Variants in CNTN4 observed in about 807,000 individuals in gnomAD.
The protein encoded by CNTN4 is contactin-4.
CNTN4 carries 77 observed loss-of-function variants against 122.5 expected under a neutral mutation model. That is an observed-to-expected ratio of 0.63 (90% CI 0.52 to 0.76). The LOEUF (loss-of-function observed/expected upper bound fraction) is 0.76. CNTN4 is among the 30% of genes least tolerant of loss of function. The pLI is 0.00. For missense variants in CNTN4, 1,256 were observed against 1,259.1 expected, an observed-to-expected ratio of 1.00 and a Z score of 0.04; for synonymous variants, 512 against 447.0, an observed-to-expected ratio of 1.15 and a Z score of -1.83.
intron 12 of CNTN4, among the ~76,000 whole-genome samples, chr3:2,906,489 AT>A (rs1198593164): frequency 6.6e-6 from 1 of 151,904 alleles, no homozygotes; most frequent in Non-Finnish European, 1.5e-5. Context: ...AATAAAAAAA[AT>A]AAAAATTTTG....
At chr3:2,642,791 A>G (rs2082949895) in intron 4 of CNTN4, among the ~76,000 whole-genome samples, 1 of 152,082 alleles carries the variant, frequency 6.6e-6, no homozygotes, top group Non-Finnish European at 1.5e-5. Context: ...TGTTCCTGCT[A>G]TTCCTTCCTC....
chr3:2,429,306 G>A (rs1380317059), intron 3 of CNTN4, among the ~76,000 whole-genome samples: 2 of 152,176 alleles, frequency 1.3e-5, no homozygotes, highest in African/African-American at 4.8e-5. Context: ...AAACAGTCAG[G>A]ACCCTCAGCT....
chr3:2,205,861 A>G (rs62247008), intron 2 of CNTN4, among the ~76,000 whole-genome samples: 17,479 of 152,184 alleles, frequency 0.11, 1,334 homozygotes, highest in South Asian at 0.24. Context: ...AAAATGGTGT[A>G]TCCTATGAAA....
intron 7 of CNTN4, among the ~76,000 whole-genome samples, chr3:2,858,708 G>GA (rs36049980): frequency 0.21 from 28,506 of 135,980 alleles, 2,826 homozygotes; most frequent in Middle Eastern, 0.3. Flanking sequence ...CCCTGTCTCA[G>GA]AAAAAAAAAA....
chr3:2,646,254 A>G (rs965374274), intron 4 of CNTN4, among the ~76,000 whole-genome samples: 1 of 152,184 alleles, frequency 6.6e-6, no homozygotes, highest in Non-Finnish European at 1.5e-5. Flanking sequence ...ATATATAAAC[A>G]CTATCAATCA....
intron 4 of CNTN4, among the ~76,000 whole-genome samples, chr3:2,674,122 C>T (rs149790680): frequency 3.0e-4 from 46 of 152,256 alleles, no homozygotes; most frequent in African/African-American, 9.6e-4. Flanking sequence ...TTGTTTTAAC[C>T]GCTCAGTTTT....
chr3:2,226,640 G>A (rs1237612212), intron 2 of CNTN4, among the ~76,000 whole-genome samples: 1 of 152,030 alleles, frequency 6.6e-6, no homozygotes, highest in Non-Finnish European at 1.5e-5. Flanking sequence ...CTTCATCATA[G>A]GCAAATATTT....
At chr3:2,125,580 G>T (rs1206291644) in intron 2 of CNTN4, among the ~76,000 whole-genome samples, 21 of 133,390 alleles carry the variant, frequency 1.6e-4, no homozygotes, top group Non-Finnish European at 2.5e-4. Flanking sequence ...TTTTTTTTGA[G>T]ACGAGTCTCA....
chr3:2,968,481 C>A (rs1044572337), intron 13 of CNTN4, among the ~76,000 whole-genome samples: 6 of 152,200 alleles, frequency 3.9e-5, no homozygotes, highest in Non-Finnish European at 5.9e-5. Flanking sequence ...TCCAGAGTTC[C>A]TCTTGTTAAG....
At chr3:2,997,995 G>A (rs1476150487) in intron 14 of CNTN4, among the ~76,000 whole-genome samples, 2 of 152,122 alleles carry the variant, frequency 1.3e-5, no homozygotes, top group African/African-American at 4.8e-5. Context: ...GCTTATAAAT[G>A]TAAGTAAAGC....
Position 2,273,671 on chromosome 3 carries a change from C to T in CNTN4, c.-144-65507C>T, listed in dbSNP as rs139238849. 3.4e-3 allele frequency among the ~76,000 whole-genome samples: 519 copies of T among 152,204 alleles called. 4 individuals carry two copies. Among genetic ancestry groups the T allele is most frequent in the African/African-American group, 0.012 (492 of 41,530 alleles). ...CTAGTAAAGGAAATCTTTGTCATGC[C>T]AGTGTGAAGTTCTGCTTCCCACTTT... On this transcript the variant is annotated intron_variant, in intron 2 of 24. Transcript: ENST00000418658.
Position 3,043,680 on chromosome 3 carries a change from T to A in CNTN4, c.2787T>A (p.Asn929Lys). 1 of 1,613,442 alleles carries A rather than the reference T, an allele frequency of 6.2e-7. No individual in the cohort carries two copies. Among genetic ancestry groups the A allele is most frequent in the African/African-American group, 1.3e-5 (1 of 75,036 alleles). ...LNWDQVKALD[N>K]ESEVKGYKVL... ...GGGATCAAGTGAAGGCCCTGGATAA[T>A]GAGTCGGAAGTAAAAGGATACAAAG... is the stretch of plus-strand genomic sequence containing the variant. Residue 929 changes from asparagine to lysine, a missense_variant, in exon 23 of 25, where the codon AAT becomes AAA. Coordinates refer to ENST00000418658, the MANE Select transcript of CNTN4 (RefSeq NM_175607.3).
intron 14 of CNTN4, among the ~76,000 whole-genome samples, chr3:3,017,475 C>T (rs971545929): frequency 3.3e-5 from 5 of 152,176 alleles, no homozygotes; most frequent in Non-Finnish European, 7.3e-5. Context: ...CAGGATATTT[C>T]GGCAGTTAAA....
chr3:2,911,987 A>G (rs2094304987), intron 12 of CNTN4, among the ~76,000 whole-genome samples: 1 of 152,194 alleles, frequency 6.6e-6, no homozygotes, highest in African/African-American at 2.4e-5. Flanking sequence ...TAATTTGCAG[A>G]CAATAAAGAG....
At chr3:2,578,948 AATTTAAGT>A (rs1361754563) in intron 4 of CNTN4, among the ~76,000 whole-genome samples, 3 of 152,196 alleles carry the variant, frequency 2.0e-5, no homozygotes, top group African/African-American at 7.2e-5. Context: ...TTTCAACATA[AATTTAAGT>A]ATTTAAGTCC....
intron 13 of CNTN4, among the ~76,000 whole-genome samples, chr3:2,946,182 T>A (rs2094676130): frequency 6.6e-6 from 1 of 152,122 alleles, no homozygotes; most frequent in Admixed American, 6.5e-5. Context: ...TGAAAATGGT[T>A]CATTGCACAC....
intron 3 of CNTN4, among the ~76,000 whole-genome samples, chr3:2,486,987 A>G (rs2076180938): frequency 6.6e-6 from 1 of 152,180 alleles, no homozygotes; most frequent in Admixed American, 6.5e-5. Flanking sequence ...CTTTCTTTAT[A>G]TAAATCACAT....
chr3:2,843,546 T>C (rs2093401416), intron 7 of CNTN4, among the ~76,000 whole-genome samples: 1 of 152,208 alleles, frequency 6.6e-6, no homozygotes, highest in Non-Finnish European at 1.5e-5. Flanking sequence ...AGGTGGGGCC[T>C]GGTGGGAGGT....
intron 4 of CNTN4, among the ~76,000 whole-genome samples, chr3:2,683,825 A>G (rs910845256): frequency 6.6e-6 from 1 of 152,066 alleles, no homozygotes; most frequent in African/African-American, 2.4e-5. Context: ...TCCTTTTATC[A>G]CCACCTGCCA....
Sources: gnomAD v4.1 joint callset for allele counts (sites outside exome capture counted in the v4.1 genomes callset) on GRCh38, gnomAD v4.1.1 for gene constraint, MANE v1.5 for transcripts, NCBI Gene and HGNC (gene_info 2026-07-23, HGNC 2026-07-21) for gene names.